Variants in NEK11 observed in about 807,000 individuals in gnomAD.
NEK11 encodes serine/threonine-protein kinase Nek11.
In NEK11, 72 loss-of-function variants were observed where a neutral mutation model predicts 80.7. That is an observed-to-expected ratio of 0.89 (90% confidence interval 0.74 to 1.08). NEK11 has a LOEUF of 1.08. NEK11 is among the 50% of genes least tolerant of loss of function. NEK11 has a pLI of 0.00. For synonymous variants in NEK11, 251 were observed against 260.7 expected (o/e 0.96, Z 0.36); for missense variants, 764 against 763.6 (o/e 1.00, Z -0.01).
At chr3:131,102,431 A>T (rs970045014) in intron 4 of NEK11, among the ~76,000 whole-genome samples, 3 of 152,182 alleles carry the variant, frequency 2.0e-5, no homozygotes, top group Admixed American at 6.5e-5. Context: ...TCCTTCACTT[A>T]TGAATCTTTG....
intron 14 of NEK11, among the ~76,000 whole-genome samples, chr3:131,181,729 G>C (rs1324198857): frequency 1.6e-5 from 2 of 122,656 alleles, no homozygotes; most frequent in African/African-American, 3.2e-5. Context: ...CTGGGCGACA[G>C]AGCGAGACTC....
intron 17 of NEK11, among the ~76,000 whole-genome samples, chr3:131,279,280 A>C (rs2096356632): frequency 6.6e-6 from 1 of 151,976 alleles, no homozygotes; most frequent in Admixed American, 6.6e-5. Flanking sequence ...AACCCAGGAG[A>C]CAGGTTGCAG....
At chr3:131,103,122 C>T (rs1210129214) in intron 4 of NEK11, among the ~76,000 whole-genome samples, 1 of 152,152 alleles carries the variant, frequency 6.6e-6, no homozygotes, top group African/African-American at 2.4e-5. Flanking sequence ...CCTGAATCTC[C>T]ATGAGATTCC....
intron 13 of NEK11, among the ~76,000 whole-genome samples, chr3:131,169,626 C>T (rs2092542086): frequency 1.3e-5 from 2 of 152,116 alleles, no homozygotes; most frequent in African/African-American, 4.8e-5. Flanking sequence ...GTGGCATATA[C>T]AGTTTTGCTG....
At chr3:131,308,471 T>C (rs967667258) in intron 17 of NEK11, among the ~76,000 whole-genome samples, 6 of 152,202 alleles carry the variant, frequency 3.9e-5, no homozygotes, top group Non-Finnish European at 7.3e-5. Flanking sequence ...GATGGCTAAG[T>C]GAATGGGGGC....
At chr3:131,245,534 G>A (rs987089430) in intron 16 of NEK11, among the ~76,000 whole-genome samples, 6 of 152,010 alleles carry the variant, frequency 3.9e-5, no homozygotes, top group Non-Finnish European at 7.4e-5. Flanking sequence ...TTTCATACAG[G>A]TTGTACAAAT....
In NEK11 at chr3:131,195,085, G is replaced by T. The variant is rs146657275; in HGVS notation, c.1399+24198G>T. Reference sequence around the variant, plus strand: ...TTTGCCTCCAGCTAGTCTCCTGCCCGCAACGAGTTCATTCTCTACATGCCT... The same window carrying T: ...TTTGCCTCCAGCTAGTCTCCTGCCCTCAACGAGTTCATTCTCTACATGCCT... On this transcript the variant is annotated intron_variant, in intron 14 of 17. Coordinates refer to ENST00000383366, the MANE Select transcript of NEK11 (RefSeq NM_024800.5). 1.5e-3 allele frequency among the ~76,000 whole-genome samples: 222 copies of T among 152,214 alleles called. 1 individual carries two copies. The highest frequency in any genetic ancestry group is 9.3e-3 in the South Asian group (45 of 4,826).
chr3:131,069,059 C>G (rs903225356), intron 3 of NEK11, among the ~76,000 whole-genome samples: 1 of 152,000 alleles, frequency 6.6e-6, no homozygotes, highest in Non-Finnish European at 1.5e-5. Context: ...TTTTGGCTGT[C>G]TTACTGTTAA....
intron 14 of NEK11, among the ~76,000 whole-genome samples, chr3:131,172,243 G>A (rs1005010988): frequency 6.6e-6 from 1 of 152,222 alleles, no homozygotes; most frequent in South Asian, 2.1e-4. Context: ...GGGATCCTGG[G>A]CCAGTTGCAC....
chr3:131,044,196 G>C (rs12638678), intron 3 of NEK11, among the ~76,000 whole-genome samples: 26,585 of 151,864 alleles, frequency 0.18, 2,423 homozygotes, highest in Non-Finnish European at 0.21. Context: ...TCAACAAATG[G>C]ACAAAATAAC....
chr3:131,046,950 T>C (rs1252273140), intron 3 of NEK11, among the ~76,000 whole-genome samples: 1 of 152,244 alleles, frequency 6.6e-6, no homozygotes, highest in East Asian at 1.9e-4. Context: ...TTTGGTTGTT[T>C]AGCATAATCT....
chr3:131,032,840 T>A (rs567541602), intron 3 of NEK11, among the ~76,000 whole-genome samples: 1 of 152,348 alleles, frequency 6.6e-6, no homozygotes, highest in East Asian at 1.9e-4. Context: ...CAGATTCACC[T>A]TAATTATAAA....
intron 3 of NEK11, among the ~76,000 whole-genome samples, chr3:131,048,256 C>CA (rs1362003858): frequency 6.6e-6 from 1 of 152,214 alleles, no homozygotes; most frequent in Non-Finnish European, 1.5e-5. Context: ...CCACCTGCCG[C>CA]AGCTTCTGTG....
intron 3 of NEK11, among the ~76,000 whole-genome samples, chr3:131,033,397 A>C (rs1451822052): frequency 1.3e-5 from 2 of 152,192 alleles, no homozygotes; most frequent in African/African-American, 4.8e-5. Flanking sequence ...TATTCCTTCA[A>C]CACATCAGAA....
At chr3:131,127,486 A>G (rs1410196926) in intron 5 of NEK11, among the ~76,000 whole-genome samples, 2 of 150,726 alleles carry the variant, frequency 1.3e-5, no homozygotes, top group Non-Finnish European at 3.0e-5. Context: ...AAAAATATAT[A>G]TATATTTTCT....
At chr3:131,181,305 A>C (rs2093327838) in intron 14 of NEK11, among the ~76,000 whole-genome samples, 1 of 152,238 alleles carries the variant, frequency 6.6e-6, no homozygotes, top group South Asian at 2.1e-4. Flanking sequence ...CAATGAGCCA[A>C]GGAAAGCAGG....
chr3:131,209,598 G>A (rs1417664352), intron 14 of NEK11, among the ~76,000 whole-genome samples: 1 of 152,180 alleles, frequency 6.6e-6, no homozygotes, highest in African/African-American at 2.4e-5. Flanking sequence ...GAATTTGGCT[G>A]TGAATCCATC....
At chr3:131,145,789 T>C (rs1210469769) in intron 7 of NEK11, among the ~76,000 whole-genome samples, 7 of 152,060 alleles carry the variant, frequency 4.6e-5, no homozygotes, top group Non-Finnish European at 1.0e-4. Flanking sequence ...CCTTGAACAA[T>C]TTACCTAATC....
chr3:131,224,131 A>G (rs1359867953), intron 14 of NEK11, among the ~76,000 whole-genome samples: 1 of 152,212 alleles, frequency 6.6e-6, no homozygotes, highest in Non-Finnish European at 1.5e-5. Context: ...GATGCTGGGT[A>G]AATAAACCTA....
Sources: gnomAD v4.1 joint callset for allele counts (sites outside exome capture counted in the v4.1 genomes callset) on GRCh38, gnomAD v4.1.1 for gene constraint, MANE v1.5 for transcripts, NCBI Gene and HGNC (gene_info 2026-07-23, HGNC 2026-07-21) for gene names.